The following MIPEP variants were observed in gnomAD, a reference collection of about 807,000 sequenced individuals.
The protein encoded by MIPEP is mitochondrial intermediate peptidase.
A neutral mutation model predicts 90.3 loss-of-function variants in MIPEP; 79 were observed. The observed-to-expected ratio is 0.87, with a 90% CI of 0.73 to 1.05. MIPEP has a LOEUF of 1.05. Ranked by LOEUF, MIPEP falls within the 50% of genes least tolerant of loss-of-function variation. MIPEP has a pLI of 0.00. For missense variants in MIPEP, 940 were observed against 905.6 expected (o/e 1.04, Z -0.49); for synonymous variants, 334 against 315.8 (o/e 1.06, Z -0.61).
chr13:23,746,529 G>A (rs1157021527), intron 18 of MIPEP, among the ~76,000 whole-genome samples: 2 of 151,010 alleles, frequency 1.3e-5, no homozygotes, highest in Non-Finnish European at 2.9e-5. Flanking sequence ...AGCTACTCAG[G>A]AGGCTGAGGC....
intron 7 of MIPEP, among the ~76,000 whole-genome samples, chr13:23,864,768 T>A: frequency 6.9e-6 from 1 of 143,940 alleles, no homozygotes; most frequent in Non-Finnish European, 1.5e-5. Flanking sequence ...AATGGGAGGC[T>A]AAAGAAAAAA....
rs1420068501 is a variant in MIPEP at position 23,806,075 on chromosome 13, T to C, written c.1729-6A>G. ...TCCAGAGTGGCATAAAAGACCTAGA[T>C]AGATAAAAACATCTACTTAGTTTTG... On this transcript the variant is annotated splice_polypyrimidine_tract_variant and splice_region_variant and intron_variant, in intron 15 of 18. Transcript: ENST00000382172. 7 of 1,613,598 alleles carry C rather than the reference T, an allele frequency of 4.3e-6. No homozygotes were observed. Among genetic ancestry groups the C allele is most frequent in the African/African-American group, 2.7e-5 (2 of 74,928 alleles).
intron 18 of MIPEP, among the ~76,000 whole-genome samples, chr13:23,743,029 A>T (rs151057612): frequency 3.9e-5 from 6 of 152,236 alleles, no homozygotes; most frequent in Admixed American, 3.9e-4. Flanking sequence ...GATTCACTCA[A>T]ATATACAGCT....
chr13:23,874,820 G>A (rs755019137), intron 5 of MIPEP, 26 bp downstream of exon 5: 3 of 1,563,602 alleles, frequency 1.9e-6, no homozygotes, highest in Non-Finnish European at 2.6e-6. Flanking sequence ...AACTGGAAGA[G>A]TCAAAAAAAC....
intron 18 of MIPEP, among the ~76,000 whole-genome samples, chr13:23,753,816 T>A (rs543855957): frequency 6.6e-6 from 1 of 152,224 alleles, no homozygotes; most frequent in Non-Finnish European, 1.5e-5. Context: ...AGTTTGCCTA[T>A]GTAGAACTTA....
chr13:23,883,175 C>A (rs1871338513), intron 2 of MIPEP, among the ~76,000 whole-genome samples: 1 of 151,658 alleles, frequency 6.6e-6, no homozygotes, highest in Non-Finnish European at 1.5e-5. Flanking sequence ...GAGAAAGGTT[C>A]TTTTATACCC....
At chr13:23,806,762 A>G (rs564196864) in intron 15 of MIPEP, among the ~76,000 whole-genome samples, 5 of 149,738 alleles carry the variant, frequency 3.3e-5, no homozygotes, top group Admixed American at 6.6e-5. Flanking sequence ...CTATCTATCT[A>G]TCTGTAGGCA....
At chr13:23,839,060 T>C (rs571848543) in intron 12 of MIPEP, among the ~76,000 whole-genome samples, 1 of 152,374 alleles carries the variant, frequency 6.6e-6, no homozygotes, top group Non-Finnish European at 1.5e-5. Context: ...CTGCTAAAGC[T>C]GACTGGCTGT....
At chr13:23,813,956 A>C (rs547544429) in intron 14 of MIPEP, among the ~76,000 whole-genome samples, 4 of 152,348 alleles carry the variant, frequency 2.6e-5, no homozygotes, top group African/African-American at 7.2e-5. Context: ...CAGAATTAAC[A>C]TATCTAAGAT....
chr13:23,732,225 G>A (rs139632353), intron 18 of MIPEP, among the ~76,000 whole-genome samples: 1,931 of 152,130 alleles, frequency 0.013, 23 homozygotes, highest in Middle Eastern at 0.027. Context: ...CTGGGCTCAA[G>A]CGATCCTCCT....
intron 16 of MIPEP, among the ~76,000 whole-genome samples, chr13:23,787,865 CT>C (rs1593154636): frequency 6.6e-6 from 1 of 152,284 alleles, no homozygotes; most frequent in East Asian, 1.9e-4. Context: ...AATTTCTACT[CT>C]GAGCCCAAGT....
At chr13:23,883,826 G>C (rs1464247252) in intron 2 of MIPEP, among the ~76,000 whole-genome samples, 1 of 152,098 alleles carries the variant, frequency 6.6e-6, no homozygotes, top group Non-Finnish European at 1.5e-5. Context: ...ACCTCCTTTT[G>C]GCAGTGCGTT....
Position 23,795,685 on chromosome 13 carries a change from T to C in MIPEP, c.1848+10265A>G, listed in dbSNP as rs377601638. On this transcript the variant is annotated intron_variant, in intron 16 of 18. Transcript: ENST00000382172. Reference sequence around the variant, plus strand: ...TTTTATATTAACAACTGAAATAAAGTTGTAAAGTCACCCATGAACAGCTTT... The same window carrying C: ...TTTTATATTAACAACTGAAATAAAGCTGTAAAGTCACCCATGAACAGCTTT... 6.6e-4 allele frequency among the ~76,000 whole-genome samples: 100 copies of C among 152,134 alleles called. No individual in the cohort carries two copies. In the Middle Eastern group the frequency reaches 0.014, roughly 21 times the overall value.
At chr13:23,788,425 G>A (rs554486900) in intron 16 of MIPEP, among the ~76,000 whole-genome samples, 14 of 152,330 alleles carry the variant, frequency 9.2e-5, no homozygotes, top group Admixed American at 1.3e-4. Context: ...AGGAACCCAT[G>A]TTCTCAAGAC....
Position 23,864,184 on chromosome 13 carries a change from C to T in MIPEP, c.949G>A (p.Val317Ile). The part of the protein sequence containing the change: ...QGTIAKNPET[V>I]MQFLEKLSDK... ...GATAGTTTTTCAAGGAACTGCATGA[C>T]AGTCTCTAAAACGAAATCCAAAAGA... is the stretch of plus-strand genomic sequence containing the variant. The change falls in exon 8 of 19, where the codon GTC (valine) becomes ATC (isoleucine). Residue 317 changes from valine to isoleucine, a missense_variant. By Grantham distance (29) the Val-to-Ile change is conservative. Transcript: ENST00000382172. 1 of 1,561,572 alleles carries T rather than the reference C, an allele frequency of 6.4e-7. No homozygotes were observed. Among genetic ancestry groups the T allele is most frequent in the South Asian group, 1.2e-5 (1 of 83,550 alleles).
chr13:23,792,719 A>G (rs889734708), intron 16 of MIPEP, among the ~76,000 whole-genome samples: 5 of 152,112 alleles, frequency 3.3e-5, no homozygotes, highest in Non-Finnish European at 5.9e-5. Flanking sequence ...CCTTGCAGTA[A>G]TTTTCAACTC....
chr13:23,788,849 G>A (rs917284838), intron 16 of MIPEP, among the ~76,000 whole-genome samples: 1 of 152,038 alleles, frequency 6.6e-6, no homozygotes, highest in South Asian at 2.1e-4. Context: ...CAGGTTCTTG[G>A]TCCCTCCTTT....
intron 17 of MIPEP, among the ~76,000 whole-genome samples, chr13:23,758,447 A>T (rs1017828601): frequency 6.6e-6 from 1 of 152,260 alleles, no homozygotes; most frequent in Non-Finnish European, 1.5e-5. Context: ...GAATGTACAC[A>T]TAAACAAGAT....
At chr13:23,828,335 T>C (rs889955452) in intron 14 of MIPEP, among the ~76,000 whole-genome samples, 11 of 151,924 alleles carry the variant, frequency 7.2e-5, no homozygotes, top group Admixed American at 6.5e-4. Context: ...ATAAGTGGAG[T>C]AGAACAAGGT....
Sources: gnomAD v4.1 joint callset for allele counts (sites outside exome capture counted in the v4.1 genomes callset) on GRCh38, gnomAD v4.1.1 for gene constraint, MANE v1.5 for transcripts, NCBI Gene and HGNC (gene_info 2026-07-23, HGNC 2026-07-21) for gene names.